Variants in THSD7B observed in about 807,000 individuals in gnomAD.
THSD7B encodes thrombospondin type 1 domain containing 7B.
Under a neutral mutation model 213.6 loss-of-function variants are expected in THSD7B, and 138 were observed. The ratio of observed to expected loss-of-function variants is 0.65; its 90% CI spans 0.56 to 0.74. The LOEUF is 0.74. Ranked by LOEUF, THSD7B falls within the 30% of genes least tolerant of loss-of-function variation. The pLI is 0.00. For missense variants in THSD7B, 1,931 were observed against 1,991.5 expected (o/e 0.97, Z 0.58); for synonymous variants, 742 against 687.0 (o/e 1.08, Z -1.25).
chr2:137,595,260 A>G (rs1040840395), intron 17 of THSD7B, among the ~76,000 whole-genome samples: 4 of 152,150 alleles, frequency 2.6e-5, no homozygotes, highest in Middle Eastern at 3.4e-3. Context: ...ATTTAATTAC[A>G]AGAAGATATG....
chr2:136,899,045 A>G (rs1031373698), intron 2 of THSD7B, among the ~76,000 whole-genome samples: 1 of 152,178 alleles, frequency 6.6e-6, no homozygotes, highest in African/African-American at 2.4e-5. Flanking sequence ...GGAAAATAAT[A>G]TAGCAAATAC....
intron 7 of THSD7B, among the ~76,000 whole-genome samples, chr2:137,177,261 C>T (rs1680376106): frequency 6.6e-6 from 1 of 152,114 alleles, no homozygotes; most frequent in East Asian, 1.9e-4. Flanking sequence ...TAACATACAT[C>T]ATCATCTTGA....
At chr2:137,037,527 C>T (rs10928589) in intron 2 of THSD7B, among the ~76,000 whole-genome samples, 88,058 of 151,450 alleles carry the variant, frequency 0.58, 29,522 homozygotes, top group Non-Finnish European at 0.73. Context: ...AAATGCAGTC[C>T]GCTGTTATCA....
At chr2:137,306,372 A>G (rs887793261) in intron 12 of THSD7B, among the ~76,000 whole-genome samples, 22 of 152,104 alleles carry the variant, frequency 1.4e-4, no homozygotes, top group African/African-American at 5.3e-4. Flanking sequence ...AGCCAGGTTG[A>G]CACATTATAA....
intron 12 of THSD7B, among the ~76,000 whole-genome samples, chr2:137,338,679 G>T (rs1684694464): frequency 1.3e-5 from 2 of 152,046 alleles, no homozygotes; most frequent in Admixed American, 1.3e-4. Context: ...TATGACAGTT[G>T]ATGTTGCTTC....
intron 12 of THSD7B, among the ~76,000 whole-genome samples, chr2:137,286,486 T>C (rs1683182657): frequency 6.6e-6 from 1 of 152,188 alleles, no homozygotes; most frequent in Non-Finnish European, 1.5e-5. Flanking sequence ...AGGATACCTC[T>C]GGAACATTGG....
At chr2:137,322,200 A>G (rs1159690699) in intron 12 of THSD7B, among the ~76,000 whole-genome samples, 1 of 152,218 alleles carries the variant, frequency 6.6e-6, no homozygotes, top group African/African-American at 2.4e-5. Flanking sequence ...TTTAAGCTCT[A>G]ATCTCAAATT....
At chr2:137,244,063 G>T (rs1050267533) in intron 10 of THSD7B, among the ~76,000 whole-genome samples, 3 of 152,188 alleles carry the variant, frequency 2.0e-5, no homozygotes, top group African/African-American at 7.2e-5. Context: ...AATAGCCAGT[G>T]TAATGTCGTT....
In THSD7B at chr2:137,559,558, T is replaced by G. The variant is rs1681063019; in HGVS notation, c.3139-3663T>G. Among the ~76,000 whole-genome samples, 5 of 152,270 alleles carry G rather than the reference T, an allele frequency of 3.3e-5. No homozygotes were observed. The South Asian group carries it at 1.0e-3, about 32-fold the overall frequency. On this transcript the variant is annotated intron_variant, in intron 15 of 27. Transcript: ENST00000409968. ...CCCTTCCTTACACAGTATACAAAAA[T>G]TAATTCAGGATGGACTAATGACTTA...
chr2:137,286,728 G>C (rs1683191842), intron 12 of THSD7B, among the ~76,000 whole-genome samples: 1 of 152,090 alleles, frequency 6.6e-6, no homozygotes, highest in Non-Finnish European at 1.5e-5. Context: ...AGGTTTTCTG[G>C]GAAAGAAAGT....
intron 2 of THSD7B, among the ~76,000 whole-genome samples, chr2:136,891,816 A>G (rs1164885974): frequency 1.3e-5 from 2 of 152,216 alleles, no homozygotes; most frequent in Non-Finnish European, 2.9e-5. Flanking sequence ...AGCTCACCCC[A>G]AAATAGTGAT....
intron 12 of THSD7B, among the ~76,000 whole-genome samples, chr2:137,394,770 G>A (rs1227550739): frequency 2.2e-5 from 3 of 136,568 alleles, no homozygotes. Context: ...CCATTTTCAC[G>A]ATATTGATTC....
At chr2:137,171,807 T>G (rs932490469) in intron 7 of THSD7B, among the ~76,000 whole-genome samples, 1 of 152,076 alleles carries the variant, frequency 6.6e-6, no homozygotes, top group African/African-American at 2.4e-5. Flanking sequence ...TTTCATTCCT[T>G]TTTTTCTCTC....
intron 2 of THSD7B, among the ~76,000 whole-genome samples, chr2:137,033,350 C>T (rs543515358): frequency 2.0e-5 from 3 of 152,252 alleles, no homozygotes; most frequent in Admixed American, 6.5e-5. Flanking sequence ...TAGCTCAGGC[C>T]GGTTCAGGTG....
At chr2:137,232,625 T>C (rs151049254) in intron 8 of THSD7B, among the ~76,000 whole-genome samples, 1 of 152,202 alleles carries the variant, frequency 6.6e-6, no homozygotes, top group Non-Finnish European at 1.5e-5. Context: ...CAGAGATACA[T>C]GCTGCAGTGG....
intron 17 of THSD7B, among the ~76,000 whole-genome samples, chr2:137,602,560 G>A (rs1018341848): frequency 3.9e-5 from 6 of 152,182 alleles, no homozygotes; most frequent in African/African-American, 1.2e-4. Flanking sequence ...GAGCCACCGC[G>A]CCCTGCCAAA....
chr2:137,667,676 TG>T, intron 26 of THSD7B, 97 bp from the exon 27 acceptor site: 1 of 929,094 alleles, frequency 1.1e-6, no homozygotes, highest in Non-Finnish European at 1.7e-6. Flanking sequence ...ACAGAACTGA[TG>T]GTCAGCTTGG....
chr2:137,107,621 A>G (rs1035796528), intron 4 of THSD7B, among the ~76,000 whole-genome samples: 1 of 152,186 alleles, frequency 6.6e-6, no homozygotes, highest in African/African-American at 2.4e-5. Flanking sequence ...AGAATCTGGA[A>G]TTGTTTCAAT....
intron 2 of THSD7B, among the ~76,000 whole-genome samples, chr2:136,940,529 C>G (rs1398414028): frequency 2.5e-4 from 38 of 151,472 alleles, no homozygotes; most frequent in Non-Finnish European, 1.0e-4. Context: ...GTTGCTAGGA[C>G]TATAGATATG....
Sources: gnomAD v4.1 joint callset for allele counts (sites outside exome capture counted in the v4.1 genomes callset) on GRCh38, gnomAD v4.1.1 for gene constraint, MANE v1.5 for transcripts, NCBI Gene and HGNC (gene_info 2026-07-23, HGNC 2026-07-21) for gene names.